The following AIRIM variants were observed in gnomAD, a reference collection of about 807,000 sequenced individuals.
The protein encoded by AIRIM is AFG2-interacting ribosome maturation factor.
chr1:37,687,102 GTGTGTGTGTA>G, the AIRIM span, among the ~76,000 whole-genome samples: 12 of 128,122 alleles, frequency 9.4e-5, no homozygotes, highest in African/African-American at 2.9e-4. Flanking sequence ...GTGTGTGTGT[GTGTGTGTGTA>G]TAGTTTTTGT....
the AIRIM span, among the ~76,000 whole-genome samples, chr1:37,688,314 C>T: frequency 6.6e-6 from 1 of 152,102 alleles, no homozygotes; most frequent in Non-Finnish European, 1.5e-5. Flanking sequence ...TCCCAAAGTG[C>T]TGGGATTACA....
At chr1:37,690,141 C>G in the AIRIM span, 8 of 1,198,142 alleles carry the variant, frequency 6.7e-6, no homozygotes, top group Non-Finnish European at 8.8e-6. Context: ...CTCAGCCTCC[C>G]GAGTAGCTGG....
chr1:37,683,410 C>T, the AIRIM span: 363 of 1,613,764 alleles, frequency 2.2e-4, 1 homozygote, highest in Middle Eastern at 4.5e-3. Context: ...ACTGGATAGA[C>T]GAAAGAAGAT....
At chr1:37,692,193 C>T in the AIRIM span, 1 of 169,214 alleles carries the variant, frequency 5.9e-6, no homozygotes, top group Non-Finnish European at 1.3e-5. Flanking sequence ...GCCGACCTGA[C>T]CTAGTAGGCC....
the AIRIM span, among the ~76,000 whole-genome samples, chr1:37,686,794 G>A: frequency 6.6e-6 from 1 of 152,346 alleles, no homozygotes; most frequent in Non-Finnish European, 1.5e-5. Flanking sequence ...AAGGGGCTGG[G>A]TGCAGAGGCT....
the AIRIM span, chr1:37,689,451 G>A: frequency 6.5e-5 from 55 of 844,308 alleles, no homozygotes; most frequent in South Asian, 1.0e-3. Flanking sequence ...TTCTGACCGA[G>A]GTCCCACTGC....
the AIRIM span, among the ~76,000 whole-genome samples, chr1:37,691,856 G>A: frequency 1.3e-5 from 2 of 152,242 alleles, no homozygotes; most frequent in African/African-American, 4.8e-5. Flanking sequence ...GGAGTGGCCG[G>A]CCCGCGGGGG....
chr1:37,688,684 A>G, the AIRIM span, among the ~76,000 whole-genome samples: 3 of 152,196 alleles, frequency 2.0e-5, no homozygotes, highest in East Asian at 3.8e-4. Context: ...GACAGACTCT[A>G]TATACTGGAA....
chr1:37,687,426 C>T, the AIRIM span, among the ~76,000 whole-genome samples: 1 of 151,112 alleles, frequency 6.6e-6, no homozygotes, highest in Admixed American at 6.6e-5. Flanking sequence ...GCCACCGTGC[C>T]CAGCTAATAT....
At chr1:37,689,780 T>G in the AIRIM span, 1 of 1,613,260 alleles carries the variant, frequency 6.2e-7, no homozygotes, top group South Asian at 1.1e-5. Context: ...GGGCTGGCAG[T>G]CCCGCAGGGC....
chr1:37,685,202 G>C, the AIRIM span, among the ~76,000 whole-genome samples: 4 of 124,214 alleles, frequency 3.2e-5, no homozygotes, highest in Admixed American at 8.0e-5. Context: ...TGGGGGGGGG[G>C]GGTGGGCGGG....
chr1:37,685,735 T>C, the AIRIM span, among the ~76,000 whole-genome samples: 1 of 152,108 alleles, frequency 6.6e-6, no homozygotes, highest in Non-Finnish European at 1.5e-5. Flanking sequence ...TCGAGCCCCC[T>C]GTCTTTCTAC....
At chr1:37,691,833 C>T in the AIRIM span, among the ~76,000 whole-genome samples, 8 of 152,256 alleles carry the variant, frequency 5.3e-5, no homozygotes, top group Admixed American at 2.6e-4. Flanking sequence ...GGCGCCAACA[C>T]GCGAACTGGG....
chr1:37,688,679 ACT>A, the AIRIM span, among the ~76,000 whole-genome samples: 5 of 152,092 alleles, frequency 3.3e-5, no homozygotes, highest in Non-Finnish European at 7.4e-5. Flanking sequence ...TCTATGACAG[ACT>A]CTATATACTG....
the AIRIM span, chr1:37,681,783 A>T: frequency 6.6e-6 from 1 of 152,248 alleles, no homozygotes; most frequent in Non-Finnish European, 1.5e-5. Context: ...GAAAAAAGGT[A>T]AATTGTAGAT....
chr1:37,688,732 C>A, the AIRIM span, among the ~76,000 whole-genome samples: 2 of 152,118 alleles, frequency 1.3e-5, no homozygotes, highest in African/African-American at 4.8e-5. Flanking sequence ...GCCACACATG[C>A]CCTGTCTCCC....
chr1:37,683,128 C>G, the AIRIM span: 2 of 1,613,028 alleles, frequency 1.2e-6, no homozygotes, highest in Non-Finnish European at 1.7e-6. Flanking sequence ...CTTCCTTACT[C>G]TTCCAGGAAG....
At chr1:37,689,569 T>C in the AIRIM span, 2 of 1,533,014 alleles carry the variant, frequency 1.3e-6, no homozygotes, top group African/African-American at 1.4e-5. Context: ...CGTTTTAAAA[T>C]CCTTCCACCA....
At chr1:37,681,963 T>C in the AIRIM span, 1 of 152,264 alleles carries the variant, frequency 6.6e-6, no homozygotes, top group East Asian at 1.9e-4. Flanking sequence ...CAGTGGCTCA[T>C]GCCTGTATTT....
Sources: gnomAD v4.1 joint callset for allele counts (sites outside exome capture counted in the v4.1 genomes callset) on GRCh38, gnomAD v4.1.1 for gene constraint, MANE v1.5 for transcripts, NCBI Gene and HGNC (gene_info 2026-07-23, HGNC 2026-07-21) for gene names.